Variants in MAP6 observed in about 807,000 individuals in gnomAD.
MAP6 encodes the protein microtubule-associated protein 6.
Under a neutral mutation model 42.4 loss-of-function variants are expected in MAP6, and 26 were observed. The ratio of observed to expected loss-of-function variants is 0.61; its 90% confidence interval spans 0.45 to 0.85. The LOEUF is 0.85. Among genes scored for constraint, MAP6 ranks in the 40% least tolerant of loss-of-function variants. The pLI is 0.00. For missense variants in MAP6, 966 were observed against 1,099.0 expected, an observed-to-expected ratio of 0.88 and a Z score of 1.71; for synonymous variants, 418 against 443.8, an observed-to-expected ratio of 0.94 and a Z score of 0.73.
chr11:75,589,604 G>A (rs928004327), intron 3 of MAP6, among the ~76,000 whole-genome samples: 5 of 152,108 alleles, frequency 3.3e-5, no homozygotes, highest in Non-Finnish European at 4.4e-5. Context: ...GGACCCCCAC[G>A]GACTAGCATC....
At chr11:75,615,827 C>A (rs897111051) in intron 1 of MAP6, among the ~76,000 whole-genome samples, 1 of 152,080 alleles carries the variant, frequency 6.6e-6, no homozygotes, top group Non-Finnish European at 1.5e-5. Context: ...CACTTAAGCA[C>A]AGTTGCTTGC....
chr11:75,632,087 A>G (rs980630492), intron 1 of MAP6, among the ~76,000 whole-genome samples: 2 of 152,222 alleles, frequency 1.3e-5, no homozygotes, highest in African/African-American at 4.8e-5. Context: ...TTTGGGATTC[A>G]AATGATTAGC....
chr11:75,631,506 G>A (rs1482233151), intron 1 of MAP6, among the ~76,000 whole-genome samples: 1 of 152,166 alleles, frequency 6.6e-6, no homozygotes, highest in East Asian at 1.9e-4. Flanking sequence ...TGTAACACAG[G>A]GCCAGCAGGA....
intron 3 of MAP6, chr11:75,605,402 T>C: frequency 1.1e-5 from 11 of 995,326 alleles, no homozygotes; most frequent in Middle Eastern, 5.2e-4. Context: ...AAAGAACACA[T>C]GTACCTAAAG....
chr11:75,596,534 C>G (rs1364580688), intron 3 of MAP6: 1 of 152,406 alleles, frequency 6.6e-6, no homozygotes, highest in African/African-American at 2.4e-5. Flanking sequence ...CCCTACCCAC[C>G]AGGTTTACTT....
At chr11:75,648,358 T>G (rs1411892284) in intron 1 of MAP6, among the ~76,000 whole-genome samples, 1 of 152,012 alleles carries the variant, frequency 6.6e-6, no homozygotes, top group African/African-American at 2.4e-5. Context: ...ACTAGCCAGG[T>G]GGAGTGGTGC....
intron 2 of MAP6, among the ~76,000 whole-genome samples, 191 bp from the exon 3 acceptor site, chr11:75,606,195 C>T (rs751229619): frequency 1.1e-4 from 17 of 152,142 alleles, no homozygotes; most frequent in Non-Finnish European, 1.9e-4. Flanking sequence ...CTCCCTGTTC[C>T]GTCACTTTGG....
At chr11:75,643,244 AT>A (rs904950462) in intron 1 of MAP6, among the ~76,000 whole-genome samples, 3 of 150,598 alleles carry the variant, frequency 2.0e-5, no homozygotes, top group Non-Finnish European at 4.4e-5. Context: ...AAATATATAA[AT>A]TTTTTTTCTT....
At chr11:75,601,564 T>C (rs931985089) in intron 3 of MAP6, among the ~76,000 whole-genome samples, 2 of 152,022 alleles carry the variant, frequency 1.3e-5, no homozygotes, top group African/African-American at 4.8e-5. Flanking sequence ...GCAATAAAAG[T>C]CCACCCTAGG....
chr11:75,650,002 G>A (rs570151419), intron 1 of MAP6, among the ~76,000 whole-genome samples: 12 of 152,178 alleles, frequency 7.9e-5, no homozygotes, highest in Non-Finnish European at 1.5e-4. Context: ...GGGAATGAGA[G>A]CAGTATCGAA....
chr11:75,650,996 T>C (rs601293), intron 1 of MAP6, among the ~76,000 whole-genome samples: 114,490 of 152,026 alleles, frequency 0.75, 43,974 homozygotes, highest in African/African-American at 0.91. Context: ...TCCTCACCCA[T>C]CAGCACCACA....
Position 75,667,688 on chromosome 11 carries a change from C to A in MAP6, c.682G>T (p.Gly228Ter). The change falls in exon 1 of 4, where the codon GGA becomes TGA. Residue 228 changes from glycine to a stop codon, truncating the protein, a stop_gained. Coordinates refer to ENST00000304771, the MANE Select transcript of MAP6 (RefSeq NM_033063.2). LOFTEE classifies it high-confidence loss of function. This position sits in a 1 kb window ranked among gnomAD's most constrained non-coding sequence, Gnocchi z 5.6. ...APGGAGGLAA[G>*]KASGADERDT... ...CGCTCGTCCGCCCCGGACGCCTTTC[C>A]GGCCGCCAGGCCACCCGCTCCGCCG... The A allele has an allele frequency of 7.8e-7, 1 of 1,276,132 alleles. No homozygotes were observed. Among genetic ancestry groups the A allele is most frequent in the Admixed American group, 4.0e-5 (1 of 24,756 alleles). 79.1% of individuals were successfully genotyped at this position (1,276,132 alleles called of 1,614,324 possible).
At chr11:75,607,466 A>G in intron 2 of MAP6, 2 of 985,418 alleles carry the variant, frequency 2.0e-6, no homozygotes, top group Non-Finnish European at 2.4e-6. Flanking sequence ...ACGAACTCCT[A>G]TGTAAGGTGG....
rs766725882 is a variant in MAP6 at position 75,608,095 on chromosome 11, A to G, written c.1119+14T>C. 53 of 1,612,646 alleles carry G rather than the reference A, an allele frequency of 3.3e-5. No individual in the cohort carries two copies. In the South Asian group the frequency reaches 5.1e-4, roughly 15 times the overall value. ...CCAGGCTGTGCTGATGGGTTCCCAC[A>G]AGGTCTGTCTCACCTTTGGGGGTTC... On this transcript the variant is annotated intron_variant, in intron 2 of 3. Coordinates refer to ENST00000304771, the MANE Select transcript of MAP6 (RefSeq NM_033063.2).
At chr11:75,617,797 G>A (rs899541566) in intron 1 of MAP6, among the ~76,000 whole-genome samples, 9 of 152,248 alleles carry the variant, frequency 5.9e-5, no homozygotes, top group African/African-American at 2.2e-4. Context: ...CCCCGTCACT[G>A]TCAGGGTTTA....
intron 1 of MAP6, among the ~76,000 whole-genome samples, chr11:75,617,677 G>A (rs545740333): frequency 6.6e-6 from 1 of 152,056 alleles, no homozygotes; most frequent in African/African-American, 2.4e-5. Flanking sequence ...GATAAGAGTG[G>A]GGGAGTGTGA....
At position 75,587,097 on chromosome 11, in the gene MAP6, T is replaced by C. The variant is rs762070230; in HGVS notation, c.2404A>G (p.Thr802Ala). Residue 802 changes from threonine (T) to alanine (A), a missense_variant, in exon 4 of 4, where the codon ACT becomes GCT. Around this residue, in one of 2 missense-constraint regions of MAP6, gnomAD observed 943 missense variants for 1,049.9 expected, o/e 0.90. Coordinates refer to ENST00000304771, the MANE Select transcript of MAP6 (RefSeq NM_033063.2). ...TCAATGTATTCCGTATGGGGGGCAG[T>C]TGGGATCATGACTCGGGGTAGAGGT... Reference protein sequence around the residue: ...VSPLPRVMIPTAPHTEYIESS... With the variant: ...VSPLPRVMIPAAPHTEYIESS... The C allele has an allele frequency of 1.9e-6, 3 of 1,607,196 alleles. No homozygotes were observed. The highest frequency in any genetic ancestry group is 2.2e-5 in the East Asian group (1 of 44,686).
intron 1 of MAP6, 63 bp from the exon 2 acceptor site, chr11:75,608,385 C>A (rs754617149): frequency 1.1e-4 from 149 of 1,332,302 alleles, no homozygotes; most frequent in Non-Finnish European, 1.5e-4. Flanking sequence ...GAGCTCCTGA[C>A]ACAGGGCTGC....
At chr11:75,630,061 AGT>A (rs1253498741) in intron 1 of MAP6, among the ~76,000 whole-genome samples, 1 of 152,200 alleles carries the variant, frequency 6.6e-6, no homozygotes, top group Non-Finnish European at 1.5e-5. Flanking sequence ...GAGTGATGCG[AGT>A]GTGTGTGCAT....
Sources: allele counts gnomAD v4.1 joint callset (sites outside exome capture counted in the v4.1 genomes callset), GRCh38; gene constraint gnomAD v4.1.1; regional missense constraint gnomAD v4.1.1; non-coding constraint Gnocchi (gnomAD v3.1); transcripts MANE v1.5; gene names NCBI Gene and HGNC (gene_info 2026-07-23, HGNC 2026-07-21).